FNDC3A: variants seen among roughly 807,000 people sequenced by gnomAD.
FNDC3A encodes fibronectin type-III domain-containing protein 3A.
In FNDC3A, 32 loss-of-function variants were observed where a neutral mutation model predicts 148.9. The observed-to-expected ratio is 0.21, with a 90% confidence interval of 0.16 to 0.29. The LOEUF is 0.29. Among genes scored for constraint, FNDC3A ranks in the 10% least tolerant of loss-of-function variants. The probability of loss-of-function intolerance (pLI) is 1.00; values close to 1 mark genes in which losing one functional copy is unlikely to be tolerated. For missense variants in FNDC3A, 1,191 were observed against 1,452.8 expected, an observed-to-expected ratio of 0.82 and a Z score of 2.93; for synonymous variants, 472 against 473.6, an observed-to-expected ratio of 1.00 and a Z score of 0.04.
At chr13:49,116,825 A>G (rs530556466) in intron 4 of FNDC3A, among the ~76,000 whole-genome samples, 3 of 151,834 alleles carry the variant, frequency 2.0e-5, no homozygotes, top group South Asian at 2.1e-4. Context: ...AGAGCTGGTT[A>G]TATTTTACAA....
In FNDC3A at chr13:49,167,474, A is replaced by G. The variant is rs1018412297; in HGVS notation, c.1037+171A>G. ...GTAATCCCAGCACTTTGGGTGGCCA[A>G]GACGAGGATTTCTTGAGCCCAGGAG... is the stretch of plus-strand genomic sequence containing the variant. On this transcript the variant is annotated intron_variant, in intron 9 of 25. Coordinates refer to ENST00000492622, the MANE Select transcript of FNDC3A (RefSeq NM_001079673.2). Among the ~76,000 whole-genome samples the G allele has an allele frequency of 6.6e-5, 10 of 152,242 alleles. No homozygotes were observed. The East Asian group carries it at 1.7e-3, about 26-fold the overall frequency.
At chr13:48,996,428 G>T (rs925678917) in intron 1 of FNDC3A, among the ~76,000 whole-genome samples, 3 of 152,118 alleles carry the variant, frequency 2.0e-5, no homozygotes, top group African/African-American at 4.8e-5. Context: ...ATGGATTGTT[G>T]CATCTGTACT....
chr13:49,112,222 T>A (rs1412517134), intron 3 of FNDC3A, among the ~76,000 whole-genome samples: 1 of 152,212 alleles, frequency 6.6e-6, no homozygotes, highest in East Asian at 1.9e-4. Context: ...AAAATATGAT[T>A]TTCAGTGAAT....
intron 2 of FNDC3A, among the ~76,000 whole-genome samples, chr13:49,015,000 G>A (rs1219285232): frequency 7.3e-4 from 111 of 151,706 alleles, no homozygotes; most frequent in East Asian, 1.7e-3. Context: ...TGGTTACTGT[G>A]GCCTTGTAGT....
intron 2 of FNDC3A, among the ~76,000 whole-genome samples, chr13:49,032,352 G>A (rs1874181667): frequency 6.6e-6 from 1 of 152,110 alleles, no homozygotes; most frequent in South Asian, 2.1e-4. Flanking sequence ...ATTTATATTA[G>A]CCAAAAAGTG....
chr13:49,063,782 G>C (rs899373767), intron 2 of FNDC3A, among the ~76,000 whole-genome samples: 2 of 152,094 alleles, frequency 1.3e-5, no homozygotes, highest in African/African-American at 2.4e-5. Context: ...ACATAGCTCA[G>C]ACTGCTCTGA....
intron 1 of FNDC3A, among the ~76,000 whole-genome samples, chr13:49,003,393 C>T (rs538420800): frequency 1.3e-5 from 2 of 152,084 alleles, no homozygotes; most frequent in African/African-American, 2.4e-5. Flanking sequence ...AGAGTATATT[C>T]AAGTCTCTTG....
At chr13:49,192,786 T>G (rs148145276) in intron 19 of FNDC3A, among the ~76,000 whole-genome samples, 1,769 of 152,308 alleles carry the variant, frequency 0.012, 17 homozygotes, top group Non-Finnish European at 0.019. Flanking sequence ...AATATTTACT[T>G]TCCGTATTTC....
intron 3 of FNDC3A, among the ~76,000 whole-genome samples, chr13:49,090,836 A>G (rs1253961465): frequency 6.6e-6 from 1 of 151,952 alleles, no homozygotes; most frequent in African/African-American, 2.4e-5. Flanking sequence ...TACTACTGAA[A>G]ATTTTTTAAA....
intron 16 of FNDC3A, chr13:49,187,713 G>GGATGAAAT (rs1213684545): frequency 6.5e-5 from 89 of 1,378,752 alleles, no homozygotes; most frequent in Non-Finnish European, 9.0e-5. Context: ...AACCGAGGAC[G>GGATGAAAT]GATGAAATGG....
Position 49,198,200 on chromosome 13 carries a change from A to G in FNDC3A, c.2709A>G (p.Gln903=), listed in dbSNP as rs199733156. ...LAYSIDFGDK[Q]SLTVGKVTSY... Reference sequence around the variant, plus strand: ...ACAGCATAGACTTTGGAGATAAACAATCCCTAACAGTGGGAAAGGTTACAA... The same window carrying G: ...ACAGCATAGACTTTGGAGATAAACAGTCCCTAACAGTGGGAAAGGTTACAA... Residue 903 remains glutamine (Q), a synonymous_variant, in exon 22 of 26, where the codon CAA becomes CAG. Coordinates refer to ENST00000492622, the MANE Select transcript of FNDC3A (RefSeq NM_001079673.2). 44 of 1,614,022 alleles carry G rather than the reference A, an allele frequency of 2.7e-5. No individual in the cohort carries two copies. The South Asian group carries it at 3.5e-4, about 13-fold the overall frequency.
chr13:49,084,730 G>T (rs572000016), intron 3 of FNDC3A, among the ~76,000 whole-genome samples: 1 of 152,108 alleles, frequency 6.6e-6, no homozygotes, highest in Non-Finnish European at 1.5e-5. Context: ...TCACCTACTA[G>T]AGTTAGTATG....
At chr13:49,136,191 A>G in intron 5 of FNDC3A, 141 bp from the exon 6 acceptor site, 1 of 637,442 alleles carries the variant, frequency 1.6e-6, no homozygotes, top group Non-Finnish European at 2.6e-6. Flanking sequence ...TGGAGACACA[A>G]AGGTTGCTTT....
At chr13:49,141,762 AT>A (rs1219344319) in intron 7 of FNDC3A, among the ~76,000 whole-genome samples, 1 of 152,196 alleles carries the variant, frequency 6.6e-6, no homozygotes, top group Non-Finnish European at 1.5e-5. Context: ...GCCTCAAAAA[AT>A]ATATTGTACA....
At chr13:49,064,405 C>CT (rs1399103689) in intron 2 of FNDC3A, among the ~76,000 whole-genome samples, 3 of 77,264 alleles carry the variant, frequency 3.9e-5, no homozygotes, top group African/African-American at 1.1e-4. Flanking sequence ...CCCCCCGCCC[C>CT]CCCCCCAAAA....
chr13:49,054,589 C>T (rs1167065669), intron 2 of FNDC3A, among the ~76,000 whole-genome samples: 1 of 152,222 alleles, frequency 6.6e-6, no homozygotes, highest in Non-Finnish European at 1.5e-5. Context: ...TTTCTCATCT[C>T]CAGATGGGAT....
intron 2 of FNDC3A, among the ~76,000 whole-genome samples, chr13:49,073,171 T>C (rs1214826902): frequency 6.6e-6 from 1 of 151,984 alleles, no homozygotes; most frequent in Non-Finnish European, 1.5e-5. Flanking sequence ...TAACATTGGC[T>C]ACAGGAAAAT....
chr13:49,140,681 GTGACAGATGT>G (rs1181251531), intron 7 of FNDC3A, among the ~76,000 whole-genome samples: 1 of 152,144 alleles, frequency 6.6e-6, no homozygotes, highest in Non-Finnish European at 1.5e-5. Flanking sequence ...CGCTTACAAA[GTGACAGATGT>G]TGTGCTAAAG....
At chr13:49,172,831 A>G (rs1302132230) in intron 11 of FNDC3A, among the ~76,000 whole-genome samples, 1 of 152,194 alleles carries the variant, frequency 6.6e-6, no homozygotes, top group African/African-American at 2.4e-5. Flanking sequence ...GACTCAGCCA[A>G]CCACAGCAAG....
Sources: gnomAD v4.1 joint callset for allele counts (sites outside exome capture counted in the v4.1 genomes callset) on GRCh38, gnomAD v4.1.1 for gene constraint, MANE v1.5 for transcripts, NCBI Gene and HGNC (gene_info 2026-07-23, HGNC 2026-07-21) for gene names.